PDE4D: variants seen among roughly 807,000 people sequenced by gnomAD.
PDE4D encodes the protein 3',5'-cyclic-AMP phosphodiesterase 4D.
Under a neutral mutation model 87.4 loss-of-function variants are expected in PDE4D, and 24 were observed. The observed-to-expected ratio is 0.27, with a 90% confidence interval of 0.20 to 0.39. The LOEUF is 0.39. PDE4D is among the 10% of genes least tolerant of loss of function. PDE4D has a pLI of 1.00. For synonymous variants in PDE4D, 384 were observed against 383.2 expected (o/e 1.00, Z -0.02); for missense variants, 714 against 1,041.0 (o/e 0.69, Z 4.32).
chr5:60,412,868 T>C (rs1742158914), intron 1 of PDE4D, among the ~76,000 whole-genome samples: 1 of 152,142 alleles, frequency 6.6e-6, no homozygotes, highest in South Asian at 2.1e-4. Context: ...AACAAATCCT[T>C]AAGGTAGGTT....
At chr5:59,669,682 G>C (rs1002751877) in intron 1 of PDE4D, among the ~76,000 whole-genome samples, 1 of 152,032 alleles carries the variant, frequency 6.6e-6, no homozygotes, top group Non-Finnish European at 1.5e-5. Context: ...TACTTCATGG[G>C]AGACCACAGT....
At chr5:60,055,610 A>C (rs1770687733) in intron 2 of PDE4D, among the ~76,000 whole-genome samples, 1 of 152,124 alleles carries the variant, frequency 6.6e-6, no homozygotes, top group Non-Finnish European at 1.5e-5. Context: ...ATAGCAACAC[A>C]TGTGCTTTGT....
intron 1 of PDE4D, among the ~76,000 whole-genome samples, chr5:59,468,528 C>A (rs1801935140): frequency 6.6e-6 from 1 of 152,116 alleles, no homozygotes; most frequent in Admixed American, 6.5e-5. Flanking sequence ...GATGAAAACA[C>A]CCATAGCACC....
intron 1 of PDE4D, among the ~76,000 whole-genome samples, chr5:60,193,587 G>T (rs1432486954): frequency 6.9e-6 from 1 of 144,312 alleles, no homozygotes. Context: ...GGAGAATGGC[G>T]TGAACCCCCA....
At chr5:59,752,711 T>C (rs1355055769) in intron 1 of PDE4D, among the ~76,000 whole-genome samples, 1 of 152,118 alleles carries the variant, frequency 6.6e-6, no homozygotes, top group East Asian at 1.9e-4. Context: ...CCTCCTACAA[T>C]GCACAGGAGA....
intron 1 of PDE4D, among the ~76,000 whole-genome samples, chr5:60,274,981 T>C (rs1751220771): frequency 6.6e-6 from 1 of 152,228 alleles, no homozygotes; most frequent in African/African-American, 2.4e-5. Context: ...GAGATGTGCA[T>C]GCACATTAAA....
intron 1 of PDE4D, among the ~76,000 whole-genome samples, chr5:60,511,960 C>T (rs138035359): frequency 3.4e-4 from 51 of 152,190 alleles, no homozygotes; most frequent in African/African-American, 1.0e-3. Context: ...CAAATGCACA[C>T]GTATAGACCC....
intron 5 of PDE4D, among the ~76,000 whole-genome samples, chr5:59,077,630 G>C (rs1156819555): frequency 6.6e-6 from 1 of 151,844 alleles, no homozygotes; most frequent in Non-Finnish European, 1.5e-5. Flanking sequence ...ACCACGCCTG[G>C]CTAATTTTTG....
At chr5:59,293,594 T>C (rs1024276122) in intron 1 of PDE4D, among the ~76,000 whole-genome samples, 1 of 152,180 alleles carries the variant, frequency 6.6e-6, no homozygotes, top group Middle Eastern at 3.2e-3. Flanking sequence ...TTTAAGATTA[T>C]GTAGAATGCA....
At chr5:60,362,572 T>G (rs1760161011) in intron 1 of PDE4D, among the ~76,000 whole-genome samples, 1 of 152,196 alleles carries the variant, frequency 6.6e-6, no homozygotes, top group Admixed American at 6.5e-5. Context: ...ATTATTTTAT[T>G]TCTGGCTAGG....
chr5:59,328,702 C>A (rs1434077284), intron 1 of PDE4D, among the ~76,000 whole-genome samples: 1 of 152,076 alleles, frequency 6.6e-6, no homozygotes, highest in Non-Finnish European at 1.5e-5. Context: ...ACTAAAAACA[C>A]CCTGTATTTG....
At chr5:59,586,693 T>C (rs1003820041) in intron 1 of PDE4D, 2 of 985,260 alleles carry the variant, frequency 2.0e-6, no homozygotes, top group African/African-American at 1.7e-5. Flanking sequence ...GCAAATATTG[T>C]CCTGGTAAAA....
At chr5:59,061,892 A>G (rs1039844533) in intron 5 of PDE4D, among the ~76,000 whole-genome samples, 1 of 152,126 alleles carries the variant, frequency 6.6e-6, no homozygotes, top group Non-Finnish European at 1.5e-5. Flanking sequence ...TATAAGTACC[A>G]TGTTGAGTAG....
chr5:59,171,888 T>C (rs1782846885), intron 5 of PDE4D, among the ~76,000 whole-genome samples: 1 of 129,646 alleles, frequency 7.7e-6, no homozygotes, highest in Admixed American at 9.0e-5. Context: ...ATATATTTAT[T>C]ATATAATAAG....
chr5:58,985,976 T>C (rs770046665), intron 11 of PDE4D, among the ~76,000 whole-genome samples: 3 of 152,226 alleles, frequency 2.0e-5, no homozygotes. Flanking sequence ...CCTGGGATAC[T>C]TTCCTGTACA....
At chr5:59,387,137 T>C (rs917970387) in intron 1 of PDE4D, among the ~76,000 whole-genome samples, 10 of 152,160 alleles carry the variant, frequency 6.6e-5, no homozygotes, top group African/African-American at 2.2e-4. Context: ...GCCATAATGT[T>C]CTCTGTGGAG....
chr5:60,332,148 T>G (rs529695375), intron 1 of PDE4D, among the ~76,000 whole-genome samples: 2 of 152,356 alleles, frequency 1.3e-5, no homozygotes, highest in East Asian at 1.9e-4. Context: ...TTCTAGAAAT[T>G]TAAGCCTAAG....
intron 2 of PDE4D, among the ~76,000 whole-genome samples, chr5:60,164,867 A>G (rs1158015904): frequency 6.6e-6 from 1 of 152,202 alleles, no homozygotes; most frequent in Non-Finnish European, 1.5e-5. Context: ...TAACATATGC[A>G]TCAACTTACA....
At chr5:59,595,727 G>A (rs1235409245) in intron 1 of PDE4D, among the ~76,000 whole-genome samples, 2 of 152,118 alleles carry the variant, frequency 1.3e-5, no homozygotes, top group African/African-American at 4.8e-5. Context: ...ATGATCTCAA[G>A]AGGGTATTCC....
Sources: allele counts gnomAD v4.1 joint callset (sites outside exome capture counted in the v4.1 genomes callset), GRCh38; gene constraint gnomAD v4.1.1; transcripts MANE v1.5; gene names NCBI Gene and HGNC (gene_info 2026-07-23, HGNC 2026-07-21).